Variants in TRAPPC9 observed in about 807,000 individuals in gnomAD.
TRAPPC9 encodes the protein IKK2 binding protein.
TRAPPC9 carries 83 observed loss-of-function variants against 124.0 expected under a neutral mutation model. The ratio of observed to expected loss-of-function variants is 0.67; its 90% CI spans 0.56 to 0.80. TRAPPC9 has a LOEUF of 0.80. Ranked by LOEUF, TRAPPC9 falls within the 30% of genes least tolerant of loss-of-function variation. The probability of loss-of-function intolerance (pLI) is 0.00; values close to 1 mark genes in which losing one functional copy is unlikely to be tolerated. For synonymous variants in TRAPPC9, 638 were observed against 617.5 expected (o/e 1.03, Z -0.49); for missense variants, 1,302 against 1,508.3 (o/e 0.86, Z 2.27).
chr8:140,014,188 T>G (rs1300184313), intron 18 of TRAPPC9, among the ~76,000 whole-genome samples: 1 of 152,116 alleles, frequency 6.6e-6, no homozygotes, highest in Non-Finnish European at 1.5e-5. Flanking sequence ...AGGAGTGTAT[T>G]TTCCACATAG....
chr8:139,740,973 G>A (rs1246250881), intron 21 of TRAPPC9, among the ~76,000 whole-genome samples: 1 of 152,048 alleles, frequency 6.6e-6, no homozygotes, highest in African/African-American at 2.4e-5. Flanking sequence ...GCCCTGGGCA[G>A]CTGCCATTCC....
At chr8:140,266,768 G>T (rs951743738) in intron 15 of TRAPPC9, among the ~76,000 whole-genome samples, 3 of 149,530 alleles carry the variant, frequency 2.0e-5, no homozygotes, top group Admixed American at 6.6e-5. Flanking sequence ...GCTGAGGCAG[G>T]AGAATGGTGT....
intron 20 of TRAPPC9, among the ~76,000 whole-genome samples, chr8:139,889,205 A>G (rs1355757458): frequency 1.3e-5 from 2 of 152,248 alleles, no homozygotes; most frequent in African/African-American, 4.8e-5. Flanking sequence ...ACAACAGGAC[A>G]AACACCTATG....
At chr8:140,149,416 TCGAGACTAGCCTGGCC>T (rs1487094027) in intron 17 of TRAPPC9, among the ~76,000 whole-genome samples, 1 of 152,130 alleles carries the variant, frequency 6.6e-6, no homozygotes, top group African/African-American at 2.4e-5. Context: ...GCTCGGGAGT[TCGAGACTAGCCTGGCC>T]AACACAGTGA....
At chr8:140,134,102 A>G (rs1299096197) in intron 17 of TRAPPC9, among the ~76,000 whole-genome samples, 1 of 152,210 alleles carries the variant, frequency 6.6e-6, no homozygotes, top group Non-Finnish European at 1.5e-5. Flanking sequence ...ATATTGAAAA[A>G]AAGAACAAAG....
intron 17 of TRAPPC9, among the ~76,000 whole-genome samples, chr8:140,205,187 C>T (rs2062892287): frequency 6.6e-6 from 1 of 152,184 alleles, no homozygotes; most frequent in African/African-American, 2.4e-5. Flanking sequence ...TTCTTAGTGT[C>T]ACCAGGAGTT....
intron 21 of TRAPPC9, among the ~76,000 whole-genome samples, chr8:139,809,693 C>T (rs1028503575): frequency 3.3e-5 from 5 of 152,096 alleles, no homozygotes; most frequent in African/African-American, 1.2e-4. Flanking sequence ...CTTAAGGAGT[C>T]CCCAGATGAC....
intron 18 of TRAPPC9, among the ~76,000 whole-genome samples, chr8:140,011,011 T>C (rs72685229): frequency 0.051 from 7,710 of 152,198 alleles, 268 homozygotes; most frequent in Non-Finnish European, 0.075. Context: ...TTTTTTTAAT[T>C]TGCAAAAGAT....
intron 19 of TRAPPC9, among the ~76,000 whole-genome samples, chr8:139,928,613 G>A (rs557882919): frequency 3.0e-4 from 45 of 151,864 alleles, no homozygotes; most frequent in African/African-American, 8.2e-4. Context: ...AGCATCGACC[G>A]ACCTCAGAGC....
intron 21 of TRAPPC9, among the ~76,000 whole-genome samples, chr8:139,855,386 G>GAA (rs1318627575): frequency 1.1e-4 from 17 of 152,132 alleles, no homozygotes; most frequent in Middle Eastern, 3.2e-3. Context: ...TAGCAGGCAG[G>GAA]GGTACCTTGC....
At chr8:140,197,029 G>A (rs1359874323) in intron 17 of TRAPPC9, among the ~76,000 whole-genome samples, 2 of 152,180 alleles carry the variant, frequency 1.3e-5, no homozygotes, top group Admixed American at 6.5e-5. Context: ...AGTAACACTC[G>A]GTAAATGTAA....
chr8:140,088,067 C>A (rs532272839), intron 17 of TRAPPC9, among the ~76,000 whole-genome samples: 1 of 152,052 alleles, frequency 6.6e-6, no homozygotes, highest in African/African-American at 2.4e-5. Context: ...TCAAGAGATG[C>A]TCCTTGGTCA....
At chr8:139,939,172 T>C (rs1833740247) in intron 19 of TRAPPC9, among the ~76,000 whole-genome samples, 1 of 152,112 alleles carries the variant, frequency 6.6e-6, no homozygotes, top group Non-Finnish European at 1.5e-5. Flanking sequence ...CGCTAAGGGC[T>C]ATATTTGGGG....
At position 139,907,867 on chromosome 8, in the gene TRAPPC9, G is replaced by A. The variant is rs2131262387; in HGVS notation, c.2964+2280C>T. On this transcript the variant is annotated intron_variant, in intron 20 of 22. Coordinates refer to ENST00000438773, the MANE Select transcript of TRAPPC9 (RefSeq NM_001160372.4). This position sits in a 1 kb window ranked among gnomAD's most constrained non-coding sequence, Gnocchi z 4.7. ...TTAGAAGGCAGCATGTGCTGGGCGGGGACTGCAGGCTGGCAGACAAGCTAC... is the reference window on the plus strand; with the variant it reads ...TTAGAAGGCAGCATGTGCTGGGCGGAGACTGCAGGCTGGCAGACAAGCTAC... Among the ~76,000 whole-genome samples the A allele has an allele frequency of 6.6e-6, 1 of 152,350 alleles. No individual in the cohort carries two copies. Among genetic ancestry groups the A allele is most frequent in the African/African-American group, 2.4e-5 (1 of 41,570 alleles).
At chr8:139,925,994 C>T (rs923676611) in intron 19 of TRAPPC9, among the ~76,000 whole-genome samples, 1 of 152,250 alleles carries the variant, frequency 6.6e-6, no homozygotes, top group Non-Finnish European at 1.5e-5. Flanking sequence ...CTGCAGCTAG[C>T]TGGTTCCCGC....
chr8:139,730,947 G>A lies in TRAPPC9; in HGVS notation c.*114C>T. Reference sequence around the variant, plus strand: ...AGGAGGAGAGGGCTGGGAGGGGTCTGGGGGAGGAGGAGGAGATGGGGCTGC... The same window carrying A: ...AGGAGGAGAGGGCTGGGAGGGGTCTAGGGGAGGAGGAGGAGATGGGGCTGC... On this transcript the variant is annotated 3_prime_UTR_variant, in exon 23 of 23. Transcript: ENST00000438773. The A allele has an allele frequency of 8.3e-7, 1 of 1,203,296 alleles. No homozygotes were observed. Among genetic ancestry groups the A allele is most frequent in the Admixed American group, 2.1e-5 (1 of 48,342 alleles). 74.5% of individuals were successfully genotyped at this position (1,203,296 alleles called of 1,614,324 possible). A position where few individuals can be genotyped will look rare whatever the true frequency, so the allele number is the denominator to read the frequency against.
Position 139,727,823 on chromosome 8 carries a change from G to T in TRAPPC9, c.*3238C>A, listed in dbSNP as rs1817635319. Among the ~76,000 whole-genome samples, 2 of 152,158 alleles carry T rather than the reference G, an allele frequency of 1.3e-5. No homozygotes were observed. The highest frequency in any genetic ancestry group is 1.3e-4 in the Admixed American group (2 of 15,278). On this transcript the variant is annotated 3_prime_UTR_variant, in exon 23 of 23. Transcript: ENST00000438773. ...GAAAGTTCTTCCTTACATGCTTCAT[G>T]TTACCTAATACATTAAGCCATGCAG...
chr8:139,818,252 G>A (rs538038024), intron 21 of TRAPPC9, among the ~76,000 whole-genome samples: 13 of 152,172 alleles, frequency 8.5e-5, no homozygotes, highest in Non-Finnish European at 1.9e-4. Context: ...CCTCAGGGGT[G>A]GAGAGTCTGA....
At position 140,216,800 on chromosome 8, in the gene TRAPPC9, T is replaced by A. The variant is rs537745813; in HGVS notation, c.2556+4659A>T. 3.4e-4 allele frequency among the ~76,000 whole-genome samples: 52 copies of A among 152,318 alleles called. No homozygotes were observed. The highest frequency in any genetic ancestry group is 5.7e-4 in the Non-Finnish European group (39 of 68,024). ...AATACTCCACTTGAGTGCAACTTCC[T>A]CTCACAGGCCTTCCTCGACTTCCTC... On this transcript the variant is annotated intron_variant, in intron 17 of 22. Transcript: ENST00000438773. This position sits in a 1 kb window ranked among gnomAD's most constrained non-coding sequence, Gnocchi z 4.1.
Sources: gnomAD v4.1 joint callset for allele counts (sites outside exome capture counted in the v4.1 genomes callset) on GRCh38, gnomAD v4.1.1 for gene constraint, Gnocchi (gnomAD v3.1) non-coding constraint, MANE v1.5 for transcripts, NCBI Gene and HGNC (gene_info 2026-07-23, HGNC 2026-07-21) for gene names.